SLC39A14: variants seen among roughly 807,000 people sequenced by gnomAD.
SLC39A14 encodes the protein solute carrier family 39 member 14.
A neutral mutation model predicts 45.5 loss-of-function variants in SLC39A14; 19 were observed. That is an observed-to-expected ratio of 0.42 (90% CI 0.29 to 0.61). SLC39A14 has a LOEUF of 0.61. Among genes scored for constraint, SLC39A14 ranks in the 20% least tolerant of loss-of-function variants. The pLI is 0.22. For synonymous variants in SLC39A14, 264 were observed against 251.3 expected (o/e 1.05, Z -0.48); for missense variants, 447 against 616.5 (o/e 0.73, Z 2.91).
chr8:22,384,262 A>G (rs1210359782), intron 1 of SLC39A14, among the ~76,000 whole-genome samples: 1 of 152,136 alleles, frequency 6.6e-6, no homozygotes, highest in Non-Finnish European at 1.5e-5. Flanking sequence ...TTCTAGAAAC[A>G]GCCTGTACTT....
At chr8:22,386,873 A>G (rs1833821828) in intron 1 of SLC39A14, among the ~76,000 whole-genome samples, 1 of 152,160 alleles carries the variant, frequency 6.6e-6, no homozygotes, top group Admixed American at 6.5e-5. Flanking sequence ...AATGAGCAGC[A>G]TTTAAAAGGC....
chr8:22,379,780 T>A (rs1833402293), intron 1 of SLC39A14, among the ~76,000 whole-genome samples: 1 of 151,450 alleles, frequency 6.6e-6, no homozygotes, highest in Non-Finnish European at 1.5e-5. Flanking sequence ...AATACAAAAA[T>A]TAGCTGGGGG....
intron 1 of SLC39A14, among the ~76,000 whole-genome samples, chr8:22,403,712 A>C (rs1563557376): frequency 6.6e-6 from 1 of 151,552 alleles, no homozygotes; most frequent in Non-Finnish European, 1.5e-5. Context: ...TGAGCCCAGG[A>C]GTTTGAGACG....
Position 22,420,947 on chromosome 8 carries a change from C to T in SLC39A14, c.*1249C>T. 2 of 985,856 alleles carry T rather than the reference C, an allele frequency of 2.0e-6. No homozygotes were observed. Among genetic ancestry groups the T allele is most frequent in the Non-Finnish European group, 1.2e-6 (1 of 829,930 alleles). The allele number at this position is 985,856 out of a possible 1,614,324, so 61.1% of individuals were successfully genotyped here. A position where few individuals can be genotyped will look rare whatever the true frequency, so the allele number is the denominator to read the frequency against. ...GAATTGAATATGAATTTCTCTAACT[C>T]TCTCCAGAAAATGGATGGAGATAAC... is the stretch of plus-strand genomic sequence containing the variant. On this transcript the variant is annotated 3_prime_UTR_variant, in exon 9 of 9. Transcript: ENST00000381237.
At chr8:22,405,147 T>C (rs923924362) in intron 2 of SLC39A14, among the ~76,000 whole-genome samples, 167 bp downstream of exon 2, 1 of 152,244 alleles carries the variant, frequency 6.6e-6, no homozygotes, top group South Asian at 2.1e-4. Context: ...TCTCATTGTC[T>C]GAATCAGCAA....
intron 8 of SLC39A14, among the ~76,000 whole-genome samples, chr8:22,429,244 C>T (rs1836433161): frequency 6.6e-6 from 1 of 152,118 alleles, no homozygotes; most frequent in South Asian, 2.1e-4. Flanking sequence ...TGCACTCCAG[C>T]CTGGGCGACA....
intron 1 of SLC39A14, chr8:22,398,657 A>T (rs573538115): frequency 1.1e-6 from 1 of 934,438 alleles, no homozygotes; most frequent in African/African-American, 1.8e-5. Context: ...CCAGCGTCAC[A>T]GAAGTGAATG....
intron 1 of SLC39A14, among the ~76,000 whole-genome samples, chr8:22,386,519 G>A (rs1833804076): frequency 6.6e-6 from 1 of 151,862 alleles, no homozygotes. Context: ...CACCTGCCTC[G>A]GCCTCCCGAA....
chr8:22,382,300 C>T (rs12544610), intron 1 of SLC39A14, among the ~76,000 whole-genome samples: 87,156 of 151,980 alleles, frequency 0.57, 26,382 homozygotes, highest in African/African-American at 0.77. Context: ...ATTATAAAGA[C>T]GGAATAATTT....
chr8:22,376,723 C>G (rs1425247389), intron 1 of SLC39A14, among the ~76,000 whole-genome samples: 1 of 151,950 alleles, frequency 6.6e-6, no homozygotes, highest in Non-Finnish European at 1.5e-5. Flanking sequence ...ACTAAAAATA[C>G]AAAAATTAGC....
chr8:22,399,795 C>G (rs1047013106), intron 1 of SLC39A14, among the ~76,000 whole-genome samples: 1 of 152,258 alleles, frequency 6.6e-6, no homozygotes, highest in African/African-American at 2.4e-5. Context: ...ATGCTCACCT[C>G]TAGGTGAGTG....
At chr8:22,408,853 C>T (rs1397970422) in intron 3 of SLC39A14, among the ~76,000 whole-genome samples, 2 of 140,472 alleles carry the variant, frequency 1.4e-5, no homozygotes, top group Non-Finnish European at 3.0e-5. Flanking sequence ...TAGGATGTCG[C>T]TCTGTCTCCG....
chr8:22,433,314 A>G (rs1320249232), intron 8 of SLC39A14, among the ~76,000 whole-genome samples: 1 of 152,042 alleles, frequency 6.6e-6, no homozygotes, highest in African/African-American at 2.4e-5. Flanking sequence ...CCTAATTCAT[A>G]CTTGTTGAAT....
At chr8:22,396,270 G>A (rs1834376518) in intron 1 of SLC39A14, among the ~76,000 whole-genome samples, 1 of 151,480 alleles carries the variant, frequency 6.6e-6, no homozygotes, top group Non-Finnish European at 1.5e-5. Flanking sequence ...AGGAGGCCGA[G>A]GCAGGAGAAT....
chr8:22,369,786 G>A (rs1166561862), intron 1 of SLC39A14, among the ~76,000 whole-genome samples: 1 of 152,156 alleles, frequency 6.6e-6, no homozygotes, highest in Non-Finnish European at 1.5e-5. Flanking sequence ...ATAGTAGAGG[G>A]CTGCTTGTCA....
chr8:22,417,515 G>T, intron 7 of SLC39A14, 136 bp from the exon 8 acceptor site: 1 of 725,186 alleles, frequency 1.4e-6, no homozygotes, highest in African/African-American at 1.8e-5. Context: ...TTGTCGCCAG[G>T]CTGGATTCAA....
At chr8:22,410,781 A>T (rs980304620) in intron 3 of SLC39A14, among the ~76,000 whole-genome samples, 2 of 152,138 alleles carry the variant, frequency 1.3e-5, no homozygotes, top group Admixed American at 6.6e-5. Context: ...TTTGTTGTTT[A>T]ATTGTTATCA....
chr8:22,387,876 T>A (rs185796108), intron 1 of SLC39A14, among the ~76,000 whole-genome samples: 2 of 152,204 alleles, frequency 1.3e-5, no homozygotes, highest in Non-Finnish European at 2.9e-5. Flanking sequence ...GGTGGGCAGA[T>A]CACCTGAGGT....
At chr8:22,375,322 G>A (rs1833156594) in intron 1 of SLC39A14, among the ~76,000 whole-genome samples, 1 of 149,224 alleles carries the variant, frequency 6.7e-6, no homozygotes, top group African/African-American at 2.4e-5. Flanking sequence ...GTGCAAAAAA[G>A]TATTTGGGGG....
Sources: allele counts gnomAD v4.1 joint callset (sites outside exome capture counted in the v4.1 genomes callset), GRCh38; gene constraint gnomAD v4.1.1; transcripts MANE v1.5; gene names NCBI Gene and HGNC (gene_info 2026-07-23, HGNC 2026-07-21).